TMEM184B: variants seen among roughly 807,000 people sequenced by gnomAD.
TMEM184B encodes putative MAPK-activating protein FM08.
TMEM184B carries 17 observed loss-of-function variants against 41.8 expected under a neutral mutation model. The observed-to-expected ratio is 0.41, with a 90% confidence interval of 0.28 to 0.61. The LOEUF is 0.61. Ranked by LOEUF, TMEM184B falls within the 20% of genes least tolerant of loss-of-function variation. TMEM184B has a pLI of 0.34. For missense variants in TMEM184B, 393 were observed against 557.8 expected, an observed-to-expected ratio of 0.70 and a Z score of 2.98; for synonymous variants, 240 against 229.5, an observed-to-expected ratio of 1.05 and a Z score of -0.41.
chr22:38,218,083 T>C (rs6001053), downstream of TMEM184B, among the ~76,000 whole-genome samples: 58,662 of 151,794 alleles, frequency 0.39, 12,326 homozygotes, highest in African/African-American at 0.55. Context: ...CACTTTCACA[T>C]TGAGATCTGA....
intron 2 of TMEM184B, chr22:38,246,891 G>A (rs1367070031): frequency 6.1e-6 from 8 of 1,301,330 alleles, no homozygotes; most frequent in South Asian, 3.7e-5. Flanking sequence ...CTGGGCTGGG[G>A]AGGAAAAGAA....
At chr22:38,251,121 G>C (rs2092152698) in intron 1 of TMEM184B, among the ~76,000 whole-genome samples, 1 of 152,306 alleles carries the variant, frequency 6.6e-6, no homozygotes, top group East Asian at 1.9e-4. Context: ...TCTAGCAGGA[G>C]GGGAGGCAGG....
At chr22:38,237,869 C>G (rs1274877913) in intron 3 of TMEM184B, among the ~76,000 whole-genome samples, 1 of 151,472 alleles carries the variant, frequency 6.6e-6, no homozygotes, top group African/African-American at 2.4e-5. Flanking sequence ...GGCAATGGCG[C>G]GATCTCACTG....
chr22:38,242,297 G>A (rs937819092), intron 3 of TMEM184B, among the ~76,000 whole-genome samples: 10 of 149,640 alleles, frequency 6.7e-5, no homozygotes, highest in African/African-American at 1.7e-4. Flanking sequence ...GTGAAACCCC[G>A]TCTCTACTAA....
intron 1 of TMEM184B, among the ~76,000 whole-genome samples, chr22:38,261,974 C>T (rs896749718): frequency 6.6e-6 from 1 of 151,724 alleles, no homozygotes; most frequent in African/African-American, 2.4e-5. Flanking sequence ...GCACACGCGC[C>T]CCCAAAGACA....
rs534973180 is a variant in TMEM184B, at chr22:38,253,367, C to T, written c.-58-5348G>A. 4.8e-4 allele frequency among the ~76,000 whole-genome samples: 73 copies of T among 152,006 alleles called. 1 individual carries two copies. Among genetic ancestry groups the T allele is most frequent in the African/African-American group, 9.2e-4 (38 of 41,382 alleles). ...GGTGGATCACTTGAGGCTAGGAGTTCGAGACCAGCCAGGGCAACATAGCGA... is the reference window on the plus strand; with the variant it reads ...GGTGGATCACTTGAGGCTAGGAGTTTGAGACCAGCCAGGGCAACATAGCGA... On this transcript the variant is annotated intron_variant, in intron 1 of 8. Coordinates refer to ENST00000361906, the MANE Select transcript of TMEM184B (RefSeq NM_012264.5).
At position 38,265,042 on chromosome 22, in the gene TMEM184B, C is replaced by A. The variant is rs546274377; in HGVS notation, c.-59+7842G>T. Reference sequence around the variant, plus strand: ...CTGTTTTGGAAAATCTAGATTTTCCCACATCCTATTTAAACTCCATTGACA... The same window carrying A: ...CTGTTTTGGAAAATCTAGATTTTCCAACATCCTATTTAAACTCCATTGACA... On this transcript the variant is annotated intron_variant, in intron 1 of 8. Coordinates refer to ENST00000361906, the MANE Select transcript of TMEM184B (RefSeq NM_012264.5). Among the ~76,000 whole-genome samples, 3 of 152,208 alleles carry A rather than the reference C, an allele frequency of 2.0e-5. No homozygotes were observed. In the East Asian group the frequency reaches 5.8e-4, roughly 29 times the overall value.
At chr22:38,236,605 T>C (rs2091779815) in intron 3 of TMEM184B, among the ~76,000 whole-genome samples, 1 of 152,054 alleles carries the variant, frequency 6.6e-6, no homozygotes, top group South Asian at 2.1e-4. Flanking sequence ...CACCTCAGCC[T>C]CCTGAGTAGC....
chr22:38,254,182 G>A (rs1262458272), intron 1 of TMEM184B, among the ~76,000 whole-genome samples: 1 of 133,214 alleles, frequency 7.5e-6, no homozygotes, highest in Non-Finnish European at 1.6e-5. Flanking sequence ...GCCCTTAGGG[G>A]ACAGAGCAAG....
intron 1 of TMEM184B, among the ~76,000 whole-genome samples, chr22:38,256,250 T>C (rs1160878726): frequency 6.6e-6 from 1 of 151,490 alleles, no homozygotes; most frequent in Admixed American, 6.6e-5. Context: ...TCTCACTCTG[T>C]CACCCAGGCC....
At chr22:38,240,008 G>A (rs556329733) in intron 3 of TMEM184B, among the ~76,000 whole-genome samples, 1 of 152,040 alleles carries the variant, frequency 6.6e-6, no homozygotes, top group African/African-American at 2.4e-5. Context: ...AGGCTGGAGT[G>A]CAGTGGCACG....
In TMEM184B at chr22:38,239,654, C is replaced by G. The variant is rs1339008120; in HGVS notation, c.358+6281G>C. Among the ~76,000 whole-genome samples, 1 of 152,148 alleles carries G rather than the reference C, an allele frequency of 6.6e-6. No individual in the cohort carries two copies. The highest frequency in any genetic ancestry group is 2.4e-5 in the African/African-American group (1 of 41,418). On this transcript the variant is annotated intron_variant, in intron 3 of 8. Transcript: ENST00000361906. This position sits in a 1 kb window ranked among gnomAD's most constrained non-coding sequence, Gnocchi z 4.6. Reference sequence around the variant, plus strand: ...TTACAAGTTTCAACAGAGGCTGAGACAGCTCTATCCTCAGAACACGGTCCA... The same window carrying G: ...TTACAAGTTTCAACAGAGGCTGAGAGAGCTCTATCCTCAGAACACGGTCCA...
Position 38,221,651 on chromosome 22 carries a change from C to T in TMEM184B, c.1042G>A (p.Asp348Asn). The T allele has an allele frequency of 6.2e-7, 1 of 1,614,104 alleles. No individual in the cohort carries two copies. Among genetic ancestry groups the T allele is most frequent in the Non-Finnish European group, 8.5e-7 (1 of 1,179,992 alleles). Residue 348 changes from aspartate (D) to asparagine (N), a missense_variant, in exon 9 of 9, where the codon GAC becomes AAC. By Grantham distance (23) the Asp-to-Asn change is conservative. Transcript: ENST00000361906. ...SSLKETMNPH[D>N]IVQDAIHNFS... ...TTGTGGATGGCGTCCTGCACGATGT[C>T]GTGCGGGTTCATGGTCTCCTTGAGG...
chr22:38,240,838 G>A (rs1350949623), intron 3 of TMEM184B, among the ~76,000 whole-genome samples: 1 of 151,088 alleles, frequency 6.6e-6, no homozygotes, highest in Non-Finnish European at 1.5e-5. Context: ...ATCTAAGACA[G>A]TGAAGACATG....
intron 8 of TMEM184B, chr22:38,222,013 A>T: frequency 2.3e-6 from 1 of 444,440 alleles, no homozygotes; most frequent in Non-Finnish European, 4.1e-6. Flanking sequence ...AGCTATGGGC[A>T]GTGAGCCTAG....
At chr22:38,266,232 G>A (rs555484747) in intron 1 of TMEM184B, among the ~76,000 whole-genome samples, 1 of 152,342 alleles carries the variant, frequency 6.6e-6, no homozygotes, top group African/African-American at 2.4e-5. Flanking sequence ...AGCATTTTAA[G>A]TTGGAAAAGA....
intron 3 of TMEM184B, among the ~76,000 whole-genome samples, chr22:38,242,843 C>G (rs887743938): frequency 1.3e-5 from 2 of 152,126 alleles, no homozygotes; most frequent in Non-Finnish European, 2.9e-5. Flanking sequence ...GCGGGCAGAT[C>G]ACAAGGTCAA....
chr22:38,222,656 G>A, intron 8 of TMEM184B: 2 of 985,616 alleles, frequency 2.0e-6, no homozygotes, highest in Non-Finnish European at 2.4e-6. Context: ...AGGGCCGTAT[G>A]TTGGCACTGC....
At chr22:38,262,285 C>T (rs1267723488) in intron 1 of TMEM184B, among the ~76,000 whole-genome samples, 3 of 152,172 alleles carry the variant, frequency 2.0e-5, no homozygotes, top group African/African-American at 7.2e-5. Flanking sequence ...CAGGGAGCTT[C>T]CTTGGGTGCA....
Sources: allele counts gnomAD v4.1 joint callset (sites outside exome capture counted in the v4.1 genomes callset), GRCh38; gene constraint gnomAD v4.1.1; non-coding constraint Gnocchi (gnomAD v3.1); transcripts MANE v1.5; gene names NCBI Gene and HGNC (gene_info 2026-07-23, HGNC 2026-07-21).